The following PRKAR1B variants were observed in gnomAD, a reference collection of about 807,000 sequenced individuals.
PRKAR1B encodes cAMP-dependent protein kinase type I-beta regulatory subunit.
In PRKAR1B, 22 loss-of-function variants were observed where a neutral mutation model predicts 46.5. That is an observed-to-expected ratio of 0.47 (90% confidence interval 0.34 to 0.68). The LOEUF (loss-of-function observed/expected upper bound fraction) is 0.68, where lower values mean the gene tolerates loss of function less well. Among genes scored for constraint, PRKAR1B ranks in the 30% least tolerant of loss-of-function variants. PRKAR1B has a pLI of 0.01. For missense variants in PRKAR1B, 445 were observed against 535.6 expected, an observed-to-expected ratio of 0.83 and a Z score of 1.67; for synonymous variants, 259 against 217.7, an observed-to-expected ratio of 1.19 and a Z score of -1.67.
chr7:690,610 G>T (rs1388331438), intron 2 of PRKAR1B, among the ~76,000 whole-genome samples: 2 of 152,148 alleles, frequency 1.3e-5, no homozygotes, highest in Non-Finnish European at 2.9e-5. Flanking sequence ...AAGGAACTAT[G>T]TCATAATAAA....
intron 2 of PRKAR1B, among the ~76,000 whole-genome samples, chr7:681,175 C>T (rs186659908): frequency 2.6e-5 from 4 of 152,166 alleles, no homozygotes; most frequent in African/African-American, 9.6e-5. Context: ...CTCTGCTTCC[C>T]CCCTGCTGCC....
intron 4 of PRKAR1B, among the ~76,000 whole-genome samples, chr7:609,467 G>A (rs1485039583): frequency 1.3e-5 from 2 of 152,044 alleles, no homozygotes; most frequent in Non-Finnish European, 2.9e-5. Flanking sequence ...TCACAGCTGC[G>A]GCTCCAGCCT....
chr7:717,293 A>AAAAG (rs1017406000), intron 1 of PRKAR1B, among the ~76,000 whole-genome samples: 1 of 150,072 alleles, frequency 6.7e-6, no homozygotes, highest in Admixed American at 6.7e-5. Flanking sequence ...CAGTCTCAAA[A>AAAAG]AAAGAAAGAA....
At chr7:564,550 G>A (rs1215573193) in intron 9 of PRKAR1B, among the ~76,000 whole-genome samples, 3 of 152,258 alleles carry the variant, frequency 2.0e-5, no homozygotes, top group South Asian at 4.1e-4. Context: ...CCGCCCCACC[G>A]CATTCAGGCC....
At chr7:693,020 C>T (rs1427269493) in intron 2 of PRKAR1B, among the ~76,000 whole-genome samples, 5 of 151,918 alleles carry the variant, frequency 3.3e-5, no homozygotes, top group Admixed American at 6.6e-5. Context: ...CTGCAAGCTC[C>T]GCCTCCCGGT....
Position 727,099 on chromosome 7 carries a change from G to C in PRKAR1B, c.-23+111C>G, listed in dbSNP as rs1384237045. ...GCCCGCGCTCGCCGCGCGCTTGGCC[G>C]GCCCCGTGCCCGCGCGCCGCCCGCC... On this transcript the variant is annotated intron_variant, in intron 1 of 10. Coordinates refer to ENST00000537384, the MANE Select transcript of PRKAR1B (RefSeq NM_001164760.2). 1.3e-5 allele frequency: 14 copies of C among 1,074,586 alleles called. No homozygotes were observed. In the Admixed American group the frequency reaches 6.5e-4, roughly 50 times the overall value. 66.6% of individuals were successfully genotyped at this position (1,074,586 alleles called of 1,614,324 possible).
rs1199981250 is a variant in PRKAR1B at position 726,185 on chromosome 7, T to C, written c.-23+1025A>G. The stretch of plus-strand genomic sequence containing the variant: ...CTGGGCAGCGAGTAAGGCGAACCTA[T>C]TGGGCGGCTACGCCTGAGATCTAAT... On this transcript the variant is annotated intron_variant, in intron 1 of 10. Transcript: ENST00000537384. Among the ~76,000 whole-genome samples, 3 of 152,206 alleles carry C rather than the reference T, an allele frequency of 2.0e-5. No individual in the cohort carries two copies. In the South Asian group the frequency reaches 6.2e-4, roughly 31 times the overall value.
At chr7:715,901 G>C (rs2128532428) in intron 1 of PRKAR1B, among the ~76,000 whole-genome samples, 1 of 152,138 alleles carries the variant, frequency 6.6e-6, no homozygotes, top group African/African-American at 2.4e-5. Context: ...ATTTTTAGTA[G>C]AGATGGGGTT....
At chr7:706,309 G>C (rs986234857) in intron 2 of PRKAR1B, among the ~76,000 whole-genome samples, 11 of 151,944 alleles carry the variant, frequency 7.2e-5, no homozygotes, top group Admixed American at 5.9e-4. Context: ...CTGGACAACA[G>C]AGCCAGACCC....
intron 4 of PRKAR1B, among the ~76,000 whole-genome samples, chr7:642,085 C>T (rs929813016): frequency 6.6e-6 from 1 of 151,900 alleles, no homozygotes. Context: ...TTGTAGAGAT[C>T]GGGTCTTGCT....
At chr7:601,710 C>A (rs1490475469) in intron 6 of PRKAR1B, among the ~76,000 whole-genome samples, 2 of 152,208 alleles carry the variant, frequency 1.3e-5, no homozygotes, top group Non-Finnish European at 2.9e-5. Context: ...CGTGCACAGC[C>A]GCCTGGGACT....
chr7:553,499 G>C (rs1371917743), intron 9 of PRKAR1B, among the ~76,000 whole-genome samples: 2 of 152,214 alleles, frequency 1.3e-5, no homozygotes, highest in Non-Finnish European at 2.9e-5. Context: ...GAAGGTGGCA[G>C]CACCTGCAGC....
rs1781120390 is a variant in PRKAR1B, at chr7:593,824, C to T, written c.708+2322G>A. On this transcript the variant is annotated intron_variant, in intron 7 of 10. Transcript: ENST00000537384. The surrounding 1 kb of genome is among the most constrained non-coding windows in gnomAD (Gnocchi z 6.1). Reference sequence around the variant, plus strand: ...TCCCCAGCAGCACAGGAGCCCCAGACCCAGGGTGGGCACCCCAGCAATGCC... The same window carrying T: ...TCCCCAGCAGCACAGGAGCCCCAGATCCAGGGTGGGCACCCCAGCAATGCC... 6.6e-6 allele frequency among the ~76,000 whole-genome samples: 1 copy of T among 152,182 alleles called. No individual in the cohort carries two copies. Among genetic ancestry groups the T allele is most frequent in the South Asian group, 2.1e-4 (1 of 4,824 alleles).
chr7:561,087 CTG>C (rs901071457), intron 9 of PRKAR1B, among the ~76,000 whole-genome samples: 1 of 152,092 alleles, frequency 6.6e-6, no homozygotes, highest in Non-Finnish European at 1.5e-5. Context: ...CACACACACA[CTG>C]GTACGTGCAT....
intron 1 of PRKAR1B, among the ~76,000 whole-genome samples, chr7:723,854 C>A (rs1250417147): frequency 2.0e-5 from 3 of 152,232 alleles, no homozygotes; most frequent in African/African-American, 7.2e-5. Flanking sequence ...CGTAACAAAG[C>A]ACACCAGGCT....
rs1228383353 is a variant in PRKAR1B, at chr7:711,403, TAC to T, written c.101_102del (p.Cys34TyrfsTer45). 3 of 1,614,092 alleles carry T rather than the reference TAC, an allele frequency of 1.9e-6. No individual in the cohort carries two copies. Among genetic ancestry groups the T allele is most frequent in the Non-Finnish European group, 1.7e-6 (2 of 1,180,024 alleles). On this transcript the variant is annotated frameshift_variant, in exon 2 of 11. Transcript: ENST00000537384. LOFTEE classifies it high-confidence loss of function. ...LHGIQQVLKDCIVHLCISKPE... is the reference protein window; with the variant it reads ...LHGIQQVLKDXIVHLCISKPE... ...GGCTTGGAGATGCAGAGGTGGACGA[TAC>T]AGTCTTTGAGGACCTGCTGGATCCC... is the stretch of plus-strand genomic sequence containing the variant.
chr7:671,185 G>A (rs1035033471), intron 4 of PRKAR1B, among the ~76,000 whole-genome samples: 2 of 144,720 alleles, frequency 1.4e-5, no homozygotes, highest in Admixed American at 6.8e-5. Context: ...CCGTCCCTCC[G>A]TTGCCTTCAT....
intron 7 of PRKAR1B, among the ~76,000 whole-genome samples, chr7:586,505 T>A (rs1225560970): frequency 1.3e-5 from 2 of 152,202 alleles, no homozygotes; most frequent in Non-Finnish European, 2.9e-5. Flanking sequence ...CCTGCCACCC[T>A]CCAGCCCTGT....
At chr7:588,335 G>C (rs765936476) in intron 7 of PRKAR1B, among the ~76,000 whole-genome samples, 2 of 152,200 alleles carry the variant, frequency 1.3e-5, no homozygotes, top group Non-Finnish European at 2.9e-5. Flanking sequence ...GGTGAAATGA[G>C]ACCATAAAAA....
Sources: gnomAD v4.1 joint callset for allele counts (sites outside exome capture counted in the v4.1 genomes callset) on GRCh38, gnomAD v4.1.1 for gene constraint, Gnocchi (gnomAD v3.1) non-coding constraint, MANE v1.5 for transcripts, NCBI Gene and HGNC (gene_info 2026-07-23, HGNC 2026-07-21) for gene names.